Variants in DENND1A observed in about 807,000 individuals in gnomAD.
DENND1A encodes the protein DENN domain containing 1A.
DENND1A carries 51 observed loss-of-function variants against 113.7 expected under a neutral mutation model. The ratio of observed to expected loss-of-function variants is 0.45; its 90% CI spans 0.36 to 0.57. The LOEUF (loss-of-function observed/expected upper bound fraction) is 0.57, where lower values mean the gene tolerates loss of function less well. Ranked by LOEUF, DENND1A falls within the 20% of genes least tolerant of loss-of-function variation. The pLI, the probability that DENND1A is intolerant of heterozygous loss-of-function variation, is 0.00. For synonymous variants in DENND1A, 565 were observed against 570.8 expected (o/e 0.99, Z 0.14); for missense variants, 1,258 against 1,395.9 (o/e 0.90, Z 1.57).
At chr9:123,406,937 C>T (rs1314610890) in intron 20 of DENND1A, among the ~76,000 whole-genome samples, 2 of 152,128 alleles carry the variant, frequency 1.3e-5, no homozygotes, top group Admixed American at 1.3e-4. Context: ...AGAATGTGAA[C>T]TTGTGGCTGA....
intron 10 of DENND1A, among the ~76,000 whole-genome samples, chr9:123,628,110 T>C (rs777474000): frequency 6.6e-6 from 1 of 151,882 alleles, no homozygotes; most frequent in Non-Finnish European, 1.5e-5. Context: ...CCTATCCTTG[T>C]GTGTGCTACT....
chr9:123,862,203 T>C (rs1022941985), intron 2 of DENND1A, among the ~76,000 whole-genome samples: 33 of 152,228 alleles, frequency 2.2e-4, no homozygotes, highest in African/African-American at 7.7e-4. Context: ...ACATTCCATT[T>C]CTTTGGGATG....
chr9:123,805,529 G>A (rs968479930), intron 2 of DENND1A, among the ~76,000 whole-genome samples: 4 of 151,800 alleles, frequency 2.6e-5, no homozygotes, highest in African/African-American at 9.7e-5. Flanking sequence ...TGCCTCCTGG[G>A]TTCAAGCGAT....
intron 2 of DENND1A, among the ~76,000 whole-genome samples, chr9:123,802,771 C>T (rs1221633605): frequency 6.6e-6 from 1 of 151,790 alleles, no homozygotes. Flanking sequence ...GGCGCGATCT[C>T]GGCTCACCGC....
intron 8 of DENND1A, among the ~76,000 whole-genome samples, chr9:123,653,814 G>A (rs1253557851): frequency 1.3e-5 from 2 of 151,876 alleles, no homozygotes; most frequent in African/African-American, 4.8e-5. Flanking sequence ...TATGTGGCAG[G>A]CAACAGGTGC....
intron 1 of DENND1A, among the ~76,000 whole-genome samples, chr9:123,903,971 T>G (rs1852249415): frequency 6.6e-6 from 1 of 152,114 alleles, no homozygotes; most frequent in Admixed American, 6.5e-5. Flanking sequence ...TAAATGTCCC[T>G]GTCTGACAGC....
intron 13 of DENND1A, among the ~76,000 whole-genome samples, chr9:123,531,295 T>C (rs1020143744): frequency 3.9e-5 from 6 of 152,200 alleles, no homozygotes; most frequent in Non-Finnish European, 7.4e-5. Flanking sequence ...CACTCTGCTT[T>C]CATTATTTTC....
intron 19 of DENND1A, among the ~76,000 whole-genome samples, chr9:123,438,721 CTT>C (rs987505840): frequency 5.3e-5 from 8 of 152,218 alleles, no homozygotes; most frequent in African/African-American, 1.7e-4. Flanking sequence ...ACAGACAGCT[CTT>C]ATTTCAACAG....
intron 18 of DENND1A, among the ~76,000 whole-genome samples, chr9:123,445,055 T>G (rs2047200028): frequency 6.6e-6 from 1 of 152,142 alleles, no homozygotes; most frequent in African/African-American, 2.4e-5. Context: ...ATTGTATTCC[T>G]ATTATTTTCC....
At chr9:123,397,715 T>C (rs572029912) in intron 21 of DENND1A, among the ~76,000 whole-genome samples, 5 of 152,316 alleles carry the variant, frequency 3.3e-5, no homozygotes, top group African/African-American at 1.2e-4. Context: ...TGTAGTGGAA[T>C]GAAAGTAATG....
chr9:123,858,604 G>A (rs554266341), intron 2 of DENND1A, among the ~76,000 whole-genome samples: 6 of 152,160 alleles, frequency 3.9e-5, no homozygotes, highest in African/African-American at 1.4e-4. Context: ...AAGGTTGGTC[G>A]AGGGGAGGAG....
At chr9:123,592,334 T>C (rs534999802) in intron 11 of DENND1A, among the ~76,000 whole-genome samples, 32 of 152,352 alleles carry the variant, frequency 2.1e-4, no homozygotes, top group South Asian at 4.1e-4. Flanking sequence ...GTTCTTTTCT[T>C]GGCTATGTCT....
chr9:123,665,274 A>G (rs1057443797), intron 8 of DENND1A, among the ~76,000 whole-genome samples: 13 of 152,194 alleles, frequency 8.5e-5, no homozygotes, highest in African/African-American at 2.4e-4. Context: ...CTTATATTAA[A>G]TAATTATGGT....
At chr9:123,874,929 A>G (rs1381421552) in intron 2 of DENND1A, among the ~76,000 whole-genome samples, 1 of 152,232 alleles carries the variant, frequency 6.6e-6, no homozygotes, top group African/African-American at 2.4e-5. Flanking sequence ...GCCAGGATTC[A>G]TACGTAGGAA....
At chr9:123,914,743 G>GAGCC (rs1854772766) in intron 1 of DENND1A, among the ~76,000 whole-genome samples, 1 of 151,390 alleles carries the variant, frequency 6.6e-6, no homozygotes, top group Non-Finnish European at 1.5e-5. Flanking sequence ...GGAGGGGGAG[G>GAGCC]AGCCACACTC....
At chr9:123,849,434 TTGAG>T (rs1320035900) in intron 2 of DENND1A, among the ~76,000 whole-genome samples, 1 of 152,206 alleles carries the variant, frequency 6.6e-6, no homozygotes, top group African/African-American at 2.4e-5. Flanking sequence ...GTTTTTGCCA[TTGAG>T]TAATGACACA....
intron 2 of DENND1A, among the ~76,000 whole-genome samples, chr9:123,827,392 A>AATATATATATATATAT (rs56805562): frequency 7.1e-6 from 1 of 140,788 alleles, no homozygotes; most frequent in African/African-American, 2.6e-5. Context: ...ATGGATATAT[A>AATATATATATATATAT]ATATATATAT....
chr9:123,792,476 CT>C (rs1218842361), intron 3 of DENND1A, 110 bp downstream of exon 3: 6 of 1,139,090 alleles, frequency 5.3e-6, no homozygotes, highest in African/African-American at 1.6e-5. Flanking sequence ...TACTGCTTTT[CT>C]TCCCTTCTAA....
chr9:123,640,691 A>G (rs765751530), intron 9 of DENND1A, among the ~76,000 whole-genome samples: 1 of 152,238 alleles, frequency 6.6e-6, no homozygotes, highest in Admixed American at 6.5e-5. Context: ...TAGTGCGCCC[A>G]GTGCTGGGCT....
Sources: gnomAD v4.1 joint callset for allele counts (sites outside exome capture counted in the v4.1 genomes callset) on GRCh38, gnomAD v4.1.1 for gene constraint, MANE v1.5 for transcripts, NCBI Gene and HGNC (gene_info 2026-07-23, HGNC 2026-07-21) for gene names.